Variants in RDH11 observed in about 807,000 individuals in gnomAD.
RDH11 encodes HCV core-binding protein HCBP12.
Under a neutral mutation model 33.4 loss-of-function variants are expected in RDH11, and 19 were observed. That is an observed-to-expected ratio of 0.57 (90% confidence interval 0.40 to 0.83). The LOEUF is 0.83. Ranked by LOEUF, RDH11 falls within the 40% of genes least tolerant of loss-of-function variation. The pLI is 0.00. For synonymous variants in RDH11, 154 were observed against 155.3 expected, an observed-to-expected ratio of 0.99 and a Z score of 0.06; for missense variants, 353 against 389.0, an observed-to-expected ratio of 0.91 and a Z score of 0.78.
chr14:67,691,023 A>G (rs2037742855), intron 4 of RDH11, 117 bp downstream of exon 4: 1 of 725,026 alleles, frequency 1.4e-6, no homozygotes, highest in Non-Finnish European at 2.5e-6. Flanking sequence ...TTATGCACAC[A>G]TGGTCTATTA....
Position 67,685,221 on chromosome 14 carries a change from T to C in RDH11, c.665-17A>G, listed in dbSNP as rs369758845. On this transcript the variant is annotated splice_polypyrimidine_tract_variant and intron_variant, in intron 5 of 6. Coordinates refer to ENST00000381346, the MANE Select transcript of RDH11 (RefSeq NM_016026.4). ...CGCCAGAGCCTGGTTGGGGGTGGCA[T>C]GAAGAGAGGGTAAGACAGGACTTGA... 68 of 1,604,646 alleles carry C rather than the reference T, an allele frequency of 4.2e-5. No homozygotes were observed. Among genetic ancestry groups the C allele is most frequent in the African/African-American group, 5.4e-5 (4 of 74,540 alleles).
chr14:67,693,385 C>A (rs1309857606), intron 1 of RDH11, among the ~76,000 whole-genome samples: 1 of 152,040 alleles, frequency 6.6e-6, no homozygotes, highest in Non-Finnish European at 1.5e-5. Context: ...AAGATTCAGC[C>A]CAGAAGAAGA....
intron 1 of RDH11, among the ~76,000 whole-genome samples, chr14:67,694,104 A>G (rs573390522): frequency 6.6e-6 from 1 of 152,310 alleles, no homozygotes; most frequent in East Asian, 1.9e-4. Context: ...ATGCATTCTT[A>G]AAGAGCATTT....
intron 5 of RDH11, among the ~76,000 whole-genome samples, chr14:67,687,243 CTTTAAT>C (rs936314267): frequency 2.0e-5 from 3 of 152,158 alleles, no homozygotes; most frequent in Admixed American, 1.3e-4. Flanking sequence ...TTTGAAAAGG[CTTTAAT>C]TTTAACCGTT....
chr14:67,688,364 ACAATTAAGGG>A (rs997384200), intron 5 of RDH11, among the ~76,000 whole-genome samples: 2 of 152,228 alleles, frequency 1.3e-5, no homozygotes, highest in African/African-American at 2.4e-5. Flanking sequence ...CACAGCCAAT[ACAATTAAGGG>A]GTAAATCCAT....
chr14:67,690,084 T>G, intron 5 of RDH11, 128 bp downstream of exon 5: 1 of 734,754 alleles, frequency 1.4e-6, no homozygotes, highest in East Asian at 2.7e-5. Flanking sequence ...TTACTAAAAC[T>G]GTACCCAATT....
chr14:67,692,237 T>G, intron 3 of RDH11: 1 of 577,934 alleles, frequency 1.7e-6, no homozygotes, highest in Non-Finnish European at 3.0e-6. Flanking sequence ...CTATGACGTT[T>G]TGAATTCATT....
At chr14:67,685,562 A>G (rs372536350) in intron 5 of RDH11, among the ~76,000 whole-genome samples, 29 of 152,022 alleles carry the variant, frequency 1.9e-4, no homozygotes, top group Non-Finnish European at 3.2e-4. Context: ...GCATCAAACA[A>G]TCTTCCCACC....
intron 1 of RDH11, among the ~76,000 whole-genome samples, chr14:67,694,503 TATAC>T: frequency 6.8e-6 from 1 of 147,114 alleles, no homozygotes; most frequent in African/African-American, 2.5e-5. Flanking sequence ...TATATATATA[TATAC>T]ACACATATAT....
At chr14:67,681,862 G>GCT (rs936131411) in intron 6 of RDH11, among the ~76,000 whole-genome samples, 1 of 152,188 alleles carries the variant, frequency 6.6e-6, no homozygotes, top group Non-Finnish European at 1.5e-5. Flanking sequence ...CATAGGGGTT[G>GCT]CTATAGTTTG....
intron 6 of RDH11, 130 bp downstream of exon 6, chr14:67,684,884 TA>T (rs1594849086): frequency 3.2e-6 from 2 of 624,038 alleles, no homozygotes; most frequent in Non-Finnish European, 5.2e-6. Context: ...TACTAAAAGG[TA>T]AAAACTCTAG....
intron 4 of RDH11, 115 bp downstream of exon 4, chr14:67,691,024 TG>T: frequency 1.4e-6 from 1 of 725,570 alleles, no homozygotes; most frequent in Non-Finnish European, 2.5e-6. Context: ...TATGCACACA[TG>T]GTCTATTATG....
At chr14:67,694,933 C>T (rs542978389) in intron 1 of RDH11, among the ~76,000 whole-genome samples, 6 of 152,222 alleles carry the variant, frequency 3.9e-5, no homozygotes, top group Admixed American at 3.9e-4. Flanking sequence ...GTTTTACAGC[C>T]CGCTGCTGAT....
chr14:67,691,215 T>G lies in RDH11; in HGVS notation c.379A>C (p.Asn127His). 1 of 1,613,968 alleles carries G rather than the reference T, an allele frequency of 6.2e-7. No individual in the cohort carries two copies. Among genetic ancestry groups the G allele is most frequent in the Non-Finnish European group, 8.5e-7 (1 of 1,179,936 alleles). ...EEKHLHVLINNAGVMMCPYSK... is the reference protein window; with the variant it reads ...EEKHLHVLINHAGVMMCPYSK... ...TACGGACACATCATCACTCCTGCATTGTTGATCAAAACGTGGAGGTGCTTT... is the reference window on the plus strand; with the variant it reads ...TACGGACACATCATCACTCCTGCATGGTTGATCAAAACGTGGAGGTGCTTT... Residue 127 changes from asparagine to histidine, a missense_variant, in exon 4 of 7, where the codon AAT (asparagine) becomes CAT (histidine). Asn to His is a moderately conservative substitution (Grantham distance 68). Coordinates refer to ENST00000381346, the MANE Select transcript of RDH11 (RefSeq NM_016026.4).
chr14:67,679,154 G>A (rs78141625), intron 6 of RDH11, among the ~76,000 whole-genome samples: 3,894 of 152,262 alleles, frequency 0.026, 66 homozygotes, highest in Non-Finnish European at 0.038. Context: ...ACATGGGCAA[G>A]AGAGGGAAGG....
intron 3 of RDH11, chr14:67,691,988 A>G (rs1459158198): frequency 6.4e-6 from 1 of 156,286 alleles, no homozygotes; most frequent in African/African-American, 2.4e-5. Context: ...AAGAGATGGT[A>G]AACTTCTTTG....
chr14:67,680,641 T>C (rs2037603765), intron 6 of RDH11, among the ~76,000 whole-genome samples: 1 of 152,154 alleles, frequency 6.6e-6, no homozygotes, highest in African/African-American at 2.4e-5. Context: ...GCATTTTTTA[T>C]AGAGATGGGG....
In RDH11 at chr14:67,678,395, G is replaced by T. The variant is rs1219014030; in HGVS notation, c.883C>A (p.Gln295Lys). The change falls in exon 7 of 7, where the codon CAA (glutamine) becomes AAA (lysine). Residue 295 changes from glutamine (Q) to lysine (K), a missense_variant. Gln to Lys is a moderately conservative substitution (Grantham distance 53, BLOSUM62 1). Transcript: ENST00000381346. ...SDCHVAWVSA[Q>K]ARNETIARRL... The stretch of plus-strand genomic sequence containing the variant: ...CTTGCTATAGTCTCATTACGAGCTT[G>T]GGCAGAGACCCATGCCACATGACAG... 1 of 1,613,840 alleles carries T rather than the reference G, an allele frequency of 6.2e-7. No homozygotes were observed. The highest frequency in any genetic ancestry group is 8.5e-7 in the Non-Finnish European group (1 of 1,179,808).
rs777402915 is a variant in RDH11, at chr14:67,695,614, A to T, written c.74+16T>A. The T allele has an allele frequency of 1.4e-5, 22 of 1,606,792 alleles. 1 individual carries two copies. In the South Asian group the frequency reaches 2.2e-4, roughly 16 times the overall value. On this transcript the variant is annotated intron_variant, in intron 1 of 6. Coordinates refer to ENST00000381346, the MANE Select transcript of RDH11 (RefSeq NM_016026.4). ...CAACAAGAATTCTCAAGAGAAGGCAATACATTTGCACAGACCTGATTTGGG... is the reference window on the plus strand; with the variant it reads ...CAACAAGAATTCTCAAGAGAAGGCATTACATTTGCACAGACCTGATTTGGG...
Sources: gnomAD v4.1 joint callset for allele counts (sites outside exome capture counted in the v4.1 genomes callset) on GRCh38, gnomAD v4.1.1 for gene constraint, MANE v1.5 for transcripts, NCBI Gene and HGNC (gene_info 2026-07-23, HGNC 2026-07-21) for gene names.